NALF1: variants seen among roughly 807,000 people sequenced by gnomAD.
NALF1 encodes the protein family with sequence similarity 155 member A.
NALF1 carries 3 observed loss-of-function variants against 48.4 expected under a neutral mutation model. The ratio of observed to expected loss-of-function variants is 0.06; its 90% CI spans 0.03 to 0.16. The LOEUF (loss-of-function observed/expected upper bound fraction) is 0.16, where lower values mean the gene tolerates loss of function less well. Ranked by LOEUF, NALF1 falls within the 10% of genes least tolerant of loss-of-function variation. The pLI, the probability that NALF1 is intolerant of heterozygous loss-of-function variation, is 1.00. For synonymous variants in NALF1, 262 were observed against 245.7 expected, an observed-to-expected ratio of 1.07 and a Z score of -0.62; for missense variants, 526 against 571.5, an observed-to-expected ratio of 0.92 and a Z score of 0.81.
chr13:107,250,605 GA>G (rs1880678834), intron 1 of NALF1, among the ~76,000 whole-genome samples: 1 of 152,072 alleles, frequency 6.6e-6, no homozygotes, highest in African/African-American at 2.4e-5. Flanking sequence ...GAGAGGATAG[GA>G]AAATGCAAAA....
At chr13:107,679,338 T>G (rs1270671782) in intron 1 of NALF1, among the ~76,000 whole-genome samples, 1 of 152,180 alleles carries the variant, frequency 6.6e-6, no homozygotes, top group African/African-American at 2.4e-5. Context: ...TACAAAGTGT[T>G]TTTCTCCTTA....
intron 1 of NALF1, among the ~76,000 whole-genome samples, chr13:107,278,607 T>A (rs1178663468): frequency 6.6e-6 from 1 of 152,224 alleles, no homozygotes; most frequent in African/African-American, 2.4e-5. Context: ...CTTCTGAATA[T>A]ATTAATTTTA....
At chr13:107,822,233 T>G (rs1223702594) in intron 1 of NALF1, among the ~76,000 whole-genome samples, 1 of 152,060 alleles carries the variant, frequency 6.6e-6, no homozygotes, top group Non-Finnish European at 1.5e-5. Context: ...TGACTTCCAT[T>G]CCTTTTTAAG....
At chr13:107,693,603 C>CTT (rs59720340) in intron 1 of NALF1, among the ~76,000 whole-genome samples, 3 of 142,598 alleles carry the variant, frequency 2.1e-5, no homozygotes, top group African/African-American at 7.7e-5. Flanking sequence ...AGGCATTTTT[C>CTT]TTTTTTTTTT....
chr13:107,371,093 G>C (rs1050774157), intron 1 of NALF1, among the ~76,000 whole-genome samples: 5 of 152,168 alleles, frequency 3.3e-5, no homozygotes, highest in Non-Finnish European at 7.4e-5. Flanking sequence ...ACACATTTCA[G>C]TCCTATTATC....
chr13:107,499,161 TA>T (rs5806659), intron 1 of NALF1, among the ~76,000 whole-genome samples: 59,802 of 150,074 alleles, frequency 0.4, 12,707 homozygotes, highest in African/African-American at 0.56. Context: ...CTCCAGAAGT[TA>T]AAAAAAAAAC....
At chr13:107,831,482 G>A (rs1272054684) in intron 1 of NALF1, among the ~76,000 whole-genome samples, 2 of 151,948 alleles carry the variant, frequency 1.3e-5, no homozygotes, top group Admixed American at 6.6e-5. Context: ...GCAGAGTTTC[G>A]CTGGTTTGGC....
chr13:107,221,445 C>T (rs552241793), intron 1 of NALF1, among the ~76,000 whole-genome samples: 11 of 152,018 alleles, frequency 7.2e-5, no homozygotes, highest in Admixed American at 1.3e-4. Context: ...CTGGGCGTGG[C>T]GGTGCATGCC....
chr13:107,414,073 C>T (rs1884041265), intron 1 of NALF1, among the ~76,000 whole-genome samples: 3 of 152,170 alleles, frequency 2.0e-5, no homozygotes, highest in African/African-American at 7.2e-5. Context: ...GGATTAGAGG[C>T]GTGAGCCACT....
chr13:107,382,516 T>A (rs1285962888), intron 1 of NALF1, among the ~76,000 whole-genome samples: 1 of 152,234 alleles, frequency 6.6e-6, no homozygotes, highest in Non-Finnish European at 1.5e-5. Flanking sequence ...ACATTTTACA[T>A]AACTGTAGTT....
intron 1 of NALF1, among the ~76,000 whole-genome samples, chr13:107,344,883 T>C (rs1882745077): frequency 6.6e-6 from 1 of 152,034 alleles, no homozygotes; most frequent in Non-Finnish European, 1.5e-5. Flanking sequence ...AAGGAAGAAG[T>C]AAAATTATCT....
At chr13:107,424,073 T>C (rs144763456) in intron 1 of NALF1, among the ~76,000 whole-genome samples, 7 of 152,262 alleles carry the variant, frequency 4.6e-5, no homozygotes, top group Non-Finnish European at 1.0e-4. Flanking sequence ...TCTATTTCAA[T>C]AATTTCTCCT....
intron 1 of NALF1, among the ~76,000 whole-genome samples, chr13:107,409,680 TC>T (rs1356365508): frequency 3.3e-5 from 5 of 152,160 alleles, no homozygotes; most frequent in African/African-American, 1.2e-4. Flanking sequence ...CAATGACCAA[TC>T]AAATTGGTGT....
chr13:107,622,501 GA>G (rs1033003319), intron 1 of NALF1, among the ~76,000 whole-genome samples: 37 of 150,832 alleles, frequency 2.5e-4, no homozygotes, highest in Admixed American at 6.6e-5. Flanking sequence ...GAAAAGAAAA[GA>G]AAAAAAGAAG....
chr13:107,630,307 T>G (rs565568032), intron 1 of NALF1, among the ~76,000 whole-genome samples: 7 of 152,282 alleles, frequency 4.6e-5, no homozygotes, highest in African/African-American at 1.7e-4. Flanking sequence ...AGCATTCTTG[T>G]TCACTCATTA....
chr13:107,249,758 G>GAACA (rs771556498), intron 1 of NALF1, among the ~76,000 whole-genome samples: 2 of 152,052 alleles, frequency 1.3e-5, no homozygotes, highest in Non-Finnish European at 2.9e-5. Flanking sequence ...ATGTCTTTTA[G>GAACA]GTGTTGTTGA....
chr13:107,628,220 A>C (rs972076169), intron 1 of NALF1, among the ~76,000 whole-genome samples: 1 of 152,080 alleles, frequency 6.6e-6, no homozygotes, highest in African/African-American at 2.4e-5. Context: ...TGTTTCCCTT[A>C]AAAAGACAGT....
Position 107,782,957 on chromosome 13 carries a change from G to A in NALF1, c.915+82725C>T, listed in dbSNP as rs1251848115. 4.8e-5 allele frequency among the ~76,000 whole-genome samples: 7 copies of A among 147,348 alleles called. No homozygotes were observed. In the South Asian group the frequency reaches 8.6e-4, roughly 18 times the overall value. On this transcript the variant is annotated intron_variant, in intron 1 of 2. Transcript: ENST00000375915. ...CCCCGCCCGGCCAGCCGCCCCGTCCGGGAGGGAGGTGGGGGGTCAGCCCCC... is the reference window on the plus strand; with the variant it reads ...CCCCGCCCGGCCAGCCGCCCCGTCCAGGAGGGAGGTGGGGGGTCAGCCCCC...
At chr13:107,821,764 T>C (rs1267495826) in intron 1 of NALF1, among the ~76,000 whole-genome samples, 1 of 152,210 alleles carries the variant, frequency 6.6e-6, no homozygotes, top group Non-Finnish European at 1.5e-5. Context: ...ATACCATTAA[T>C]TATGTTAACA....
Sources: gnomAD v4.1 joint callset for allele counts (sites outside exome capture counted in the v4.1 genomes callset) on GRCh38, gnomAD v4.1.1 for gene constraint, MANE v1.5 for transcripts, NCBI Gene and HGNC (gene_info 2026-07-23, HGNC 2026-07-21) for gene names.